The following ARHGAP25 variants were observed in gnomAD, a reference collection of about 807,000 sequenced individuals.
The protein encoded by ARHGAP25 is rho GTPase-activating protein 25.
In ARHGAP25, 34 loss-of-function variants were observed where a neutral mutation model predicts 71.0. The ratio of observed to expected loss-of-function variants is 0.48; its 90% confidence interval spans 0.36 to 0.64. ARHGAP25 has a LOEUF of 0.64. Ranked by LOEUF, ARHGAP25 falls within the 30% of genes least tolerant of loss-of-function variation. The pLI, the probability that ARHGAP25 is intolerant of heterozygous loss-of-function variation, is 0.00. For synonymous variants in ARHGAP25, 282 were observed against 296.5 expected (o/e 0.95, Z 0.50); for missense variants, 706 against 805.1 (o/e 0.88, Z 1.49).
chr2:68,746,492 T>A (rs1675821574), intron 1 of ARHGAP25, among the ~76,000 whole-genome samples: 1 of 152,068 alleles, frequency 6.6e-6, no homozygotes, highest in Non-Finnish European at 1.5e-5. Context: ...ATTGTGAAAT[T>A]CCCTACGCAG....
At chr2:68,740,217 C>T (rs968334983) in intron 1 of ARHGAP25, among the ~76,000 whole-genome samples, 2 of 152,170 alleles carry the variant, frequency 1.3e-5, no homozygotes, top group African/African-American at 4.8e-5. Flanking sequence ...CCCCTGTTCC[C>T]ATCACTGCCA....
chr2:68,758,527 A>C (rs979635138), intron 1 of ARHGAP25, among the ~76,000 whole-genome samples: 4 of 152,002 alleles, frequency 2.6e-5, no homozygotes, highest in African/African-American at 7.2e-5. Context: ...AACATTATAC[A>C]TTAATAGATT....
rs767300781 is a variant in ARHGAP25 at position 68,800,622 on chromosome 2, C to T, written c.467-6651C>T. ...CTTTATGATCTCTGAACTTTTATTC[C>T]ATTAGCTTTAAACTCTAAAGGGAAA... On this transcript the variant is annotated intron_variant, in intron 4 of 10. Coordinates refer to ENST00000409202, the MANE Select transcript of ARHGAP25 (RefSeq NM_001007231.3). 1.4e-3 allele frequency among the ~76,000 whole-genome samples: 218 copies of T among 152,186 alleles called. 2 individuals are homozygous for T. Among genetic ancestry groups the T allele is most frequent in the Middle Eastern group, 3.4e-3 (1 of 294 alleles).
At chr2:68,781,241 T>C (rs1185941548) in intron 2 of ARHGAP25, among the ~76,000 whole-genome samples, 1 of 151,950 alleles carries the variant, frequency 6.6e-6, no homozygotes, top group Non-Finnish European at 1.5e-5. Flanking sequence ...ATACAAAAAA[T>C]TAGCCAGACG....
intron 2 of ARHGAP25, among the ~76,000 whole-genome samples, chr2:68,724,713 A>G (rs7580760): frequency 0.25 from 38,713 of 151,996 alleles, 5,332 homozygotes; most frequent in East Asian, 0.47. Context: ...GGCCTAATGC[A>G]GGCCTATCTC....
chr2:68,810,802 T>TTCAGGCTAGA (rs1680752376), intron 5 of ARHGAP25, among the ~76,000 whole-genome samples: 3 of 150,636 alleles, frequency 2.0e-5, no homozygotes, highest in Non-Finnish European at 2.9e-5. Flanking sequence ...AGTTCAGTGG[T>TTCAGGCTAGA]GTGATCTTGG....
intron 9 of ARHGAP25, among the ~76,000 whole-genome samples, chr2:68,821,867 A>G (rs1380016004): frequency 6.7e-6 from 1 of 148,294 alleles, no homozygotes; most frequent in African/African-American, 2.5e-5. Flanking sequence ...TAAGGAGAGT[A>G]ACCAATTGTC....
Position 68,822,472 on chromosome 2 carries a change from C to T in ARHGAP25, c.1333C>T (p.Pro445Ser). 6.2e-7 allele frequency: 1 copy of T among 1,614,176 alleles called. No homozygotes were observed. Among genetic ancestry groups the T allele is most frequent in the Non-Finnish European group, 8.5e-7 (1 of 1,180,026 alleles). Residue 445 changes from proline (P) to serine (S), a missense_variant, in exon 10 of 11, where the codon CCT (proline) becomes TCT (serine). Transcript: ENST00000409202. ...ATCTCGTAAAAGGACTCAAACACTCCCTAACCGGAAATGTTTCTTGACATC... is the reference window on the plus strand; with the variant it reads ...ATCTCGTAAAAGGACTCAAACACTCTCTAACCGGAAATGTTTCTTGACATC... ...MQSRKRTQTLPNRKCFLTSAF... is the reference protein window; with the variant it reads ...MQSRKRTQTLSNRKCFLTSAF...
At chr2:68,812,206 A>G (rs1680875791) in intron 5 of ARHGAP25, among the ~76,000 whole-genome samples, 1 of 152,170 alleles carries the variant, frequency 6.6e-6, no homozygotes, top group South Asian at 2.1e-4. Flanking sequence ...AATTTTACTT[A>G]CAGATGCTGA....
intron 4 of ARHGAP25, among the ~76,000 whole-genome samples, chr2:68,803,176 G>T (rs962460255): frequency 5.3e-5 from 8 of 152,172 alleles, no homozygotes; most frequent in African/African-American, 1.9e-4. Context: ...CACCAAACGA[G>T]CAGGTGGAAG....
intron 7 of ARHGAP25, 200 bp downstream of exon 7, chr2:68,816,562 C>A (rs1171574443): frequency 3.5e-6 from 2 of 573,404 alleles, no homozygotes; most frequent in Non-Finnish European, 6.2e-6. Context: ...AAAAAATGAA[C>A]GTGCTCCCCC....
intron 4 of ARHGAP25, among the ~76,000 whole-genome samples, chr2:68,789,842 CA>C (rs781285355): frequency 2.0e-5 from 3 of 152,126 alleles, no homozygotes; most frequent in Non-Finnish European, 2.9e-5. Context: ...ATTTCACCCT[CA>C]CCGCACCCCG....
At chr2:68,820,703 C>T (rs56089537) in intron 9 of ARHGAP25, among the ~76,000 whole-genome samples, 45,736 of 151,694 alleles carry the variant, frequency 0.3, 7,153 homozygotes, top group East Asian at 0.43. Flanking sequence ...AAAAGGTATA[C>T]GTTGAGAAGT....
chr2:68,804,876 C>G (rs1438548341), intron 4 of ARHGAP25, among the ~76,000 whole-genome samples: 1 of 152,186 alleles, frequency 6.6e-6, no homozygotes, highest in African/African-American at 2.4e-5. Flanking sequence ...AGGGGTTACA[C>G]TAGACATTGG....
At chr2:68,799,422 C>T (rs574849729) in intron 4 of ARHGAP25, among the ~76,000 whole-genome samples, 1 of 152,306 alleles carries the variant, frequency 6.6e-6, no homozygotes, top group African/African-American at 2.4e-5. Flanking sequence ...AAACTGCCTT[C>T]AAGATCATTA....
chr2:68,789,188 A>G (rs1250080605), intron 4 of ARHGAP25, among the ~76,000 whole-genome samples: 1 of 151,922 alleles, frequency 6.6e-6, no homozygotes, highest in African/African-American at 2.4e-5. Flanking sequence ...GCCTGCCACC[A>G]TGCCTGGCTA....
In ARHGAP25 at chr2:68,749,453, T is replaced by G. The variant is rs150258691; in HGVS notation, c.61+14193T>G. Among the ~76,000 whole-genome samples, 6 of 152,272 alleles carry G rather than the reference T, an allele frequency of 3.9e-5. No homozygotes were observed. In the East Asian group the frequency reaches 1.2e-3, roughly 29 times the overall value. On this transcript the variant is annotated intron_variant, in intron 1 of 10. Transcript: ENST00000409202. ...AGATCTCACATTCATCCACTTCTCT[T>G]ACCTCCCTTTCAAGCCTAGATTCCA...
intron 5 of ARHGAP25, among the ~76,000 whole-genome samples, chr2:68,810,743 T>C (rs1172996223): frequency 4.7e-5 from 7 of 148,420 alleles, no homozygotes; most frequent in South Asian, 2.1e-4. Context: ...TTTTTTTTTT[T>C]TTTTTTTTTG....
chr2:68,782,269 A>C lies in ARHGAP25; in HGVS notation c.298A>C (p.Ile100Leu). 1 of 1,614,154 alleles carries C rather than the reference A, an allele frequency of 6.2e-7. No homozygotes were observed. The highest frequency in any genetic ancestry group is 8.5e-7 in the Non-Finnish European group (1 of 1,180,030). ...MYLPGCTIKE[I>L]ATNPEEAGKF... is the part of the protein sequence containing the mutation. ...TCTACCAGGATGTACAATCAAGGAGATCGCCACAAACCCAGAAGAAGCTGG... is the reference window on the plus strand; with the variant it reads ...TCTACCAGGATGTACAATCAAGGAGCTCGCCACAAACCCAGAAGAAGCTGG... The change falls in exon 3 of 11, where the codon ATC (isoleucine) becomes CTC (leucine). Residue 100 changes from isoleucine to leucine, a missense_variant. Transcript: ENST00000409202.
Sources: gnomAD v4.1 joint callset for allele counts (sites outside exome capture counted in the v4.1 genomes callset) on GRCh38, gnomAD v4.1.1 for gene constraint, MANE v1.5 for transcripts, NCBI Gene and HGNC (gene_info 2026-07-23, HGNC 2026-07-21) for gene names.